TTC7B: variants seen among roughly 807,000 people sequenced by gnomAD.
TTC7B encodes tetratricopeptide repeat protein 7B.
Under a neutral mutation model 106.8 loss-of-function variants are expected in TTC7B, and 28 were observed. The ratio of observed to expected loss-of-function variants is 0.26; its 90% CI spans 0.19 to 0.36. The LOEUF is 0.36. Ranked by LOEUF, TTC7B falls within the 10% of genes least tolerant of loss-of-function variation. The probability of loss-of-function intolerance (pLI) is 1.00; values close to 1 mark genes in which losing one functional copy is unlikely to be tolerated. For synonymous variants in TTC7B, 405 were observed against 430.6 expected, an observed-to-expected ratio of 0.94 and a Z score of 0.74; for missense variants, 862 against 1,076.4, an observed-to-expected ratio of 0.80 and a Z score of 2.79.
Position 90,593,553 on chromosome 14 carries a change from C to T in TTC7B, c.2040G>A (p.Gln680=), listed in dbSNP as rs1193084713. 2 of 1,612,678 alleles carry T rather than the reference C, an allele frequency of 1.2e-6. No individual in the cohort carries two copies. The highest frequency in any genetic ancestry group is 2.2e-5 in the South Asian group (2 of 90,830). ...GCGGGCCCTGCTTAGGGGCACTGCT[C>T]TGCAGAGACGAAGCCACTTCCGACA... ...QALSEVASSL[Q]SSAPKQGPLH... The change falls in exon 18 of 20, where the codon CAG becomes CAA. Residue 680 remains glutamine (Q), a synonymous_variant. Transcript: ENST00000328459.
chr14:90,549,640 T>G (rs1289009551), intron 19 of TTC7B, among the ~76,000 whole-genome samples: 1 of 152,130 alleles, frequency 6.6e-6, no homozygotes, highest in African/African-American at 2.4e-5. Context: ...CGTTGCTCTC[T>G]GGGACAGTGG....
At chr14:90,596,403 C>T (rs1892204227) in intron 17 of TTC7B, among the ~76,000 whole-genome samples, 1 of 152,190 alleles carries the variant, frequency 6.6e-6, no homozygotes, top group African/African-American at 2.4e-5. Flanking sequence ...ATATATTTTA[C>T]TATGAATAAG....
At position 90,532,592 on chromosome 14, in the gene TTC7B, G is replaced by C. The variant is rs1377796223; in HGVS notation, c.*8776C>G. 1 of 152,260 alleles carries C rather than the reference G, an allele frequency of 6.6e-6. No homozygotes were observed. The highest frequency in any genetic ancestry group is 6.5e-5 in the Admixed American group (1 of 15,282). 9.4% of individuals were successfully genotyped at this position (152,260 alleles called of 1,614,324 possible). ...GGTGTCCCCGACCAGCCAATCTAAA[G>C]TAACCCTCCCCCTGTCACTTCAAAT... On this transcript the variant is annotated 3_prime_UTR_variant, in exon 20 of 20. Transcript: ENST00000328459.
chr14:90,664,621 C>T (rs1427496214), intron 9 of TTC7B, among the ~76,000 whole-genome samples: 5 of 152,178 alleles, frequency 3.3e-5, no homozygotes, highest in South Asian at 2.1e-4. Flanking sequence ...TTGATGAAAA[C>T]GGACTTTTCA....
In TTC7B at chr14:90,681,994, C is replaced by T. The variant is rs114811384; in HGVS notation, c.951-1459G>A. 2.6e-3 allele frequency among the ~76,000 whole-genome samples: 397 copies of T among 152,266 alleles called. 2 individuals carry two copies. Among genetic ancestry groups the T allele is most frequent in the African/African-American group, 9.1e-3 (378 of 41,546 alleles). On this transcript the variant is annotated intron_variant, in intron 7 of 19. Coordinates refer to ENST00000328459, the MANE Select transcript of TTC7B (RefSeq NM_001010854.2). ...TGGGACCTTGCAAATAAAGCAGTAA[C>T]ATGAACCATTGTGTGTATGTGTGCA...
chr14:90,654,757 G>A (rs1389705003), intron 12 of TTC7B, among the ~76,000 whole-genome samples: 2 of 152,150 alleles, frequency 1.3e-5, no homozygotes, highest in East Asian at 1.9e-4. Flanking sequence ...CCAGCATAAT[G>A]TACCTAAAAA....
At chr14:90,616,399 A>G (rs1231297318) in intron 16 of TTC7B, among the ~76,000 whole-genome samples, 1 of 152,236 alleles carries the variant, frequency 6.6e-6, no homozygotes, top group Non-Finnish European at 1.5e-5. Flanking sequence ...ACATATCCAC[A>G]AAAGGGAAGA....
At chr14:90,684,395 A>G (rs566276827) in intron 7 of TTC7B, among the ~76,000 whole-genome samples, 5 of 152,272 alleles carry the variant, frequency 3.3e-5, no homozygotes, top group South Asian at 2.1e-4. Context: ...ATTAAGAAAC[A>G]TGTAGATGCA....
chr14:90,699,141 G>T (rs1437394485), intron 5 of TTC7B: 24 of 455,382 alleles, frequency 5.3e-5, no homozygotes. Flanking sequence ...ACATTCTAAC[G>T]TACAAGCTTA....
At chr14:90,779,995 G>A (rs1342130714) in intron 3 of TTC7B, among the ~76,000 whole-genome samples, 1 of 152,176 alleles carries the variant, frequency 6.6e-6, no homozygotes, top group Non-Finnish European at 1.5e-5. Context: ...CAGCCATGTG[G>A]CCAACTGACC....
chr14:90,644,608 G>T (rs1566815246), intron 14 of TTC7B: 1 of 159,704 alleles, frequency 6.3e-6, no homozygotes, highest in Non-Finnish European at 1.4e-5. Context: ...AAGTGTCAGA[G>T]ATTTTTAGTG....
intron 17 of TTC7B, among the ~76,000 whole-genome samples, chr14:90,597,448 A>G (rs1357711773): frequency 6.6e-6 from 1 of 152,166 alleles, no homozygotes; most frequent in Admixed American, 6.5e-5. Flanking sequence ...ACCTGAGGTC[A>G]GGAGTTTGAG....
chr14:90,622,116 ATTTTT>A (rs34021447), intron 15 of TTC7B, among the ~76,000 whole-genome samples: 2 of 135,014 alleles, frequency 1.5e-5, no homozygotes, highest in Non-Finnish European at 1.6e-5. Context: ...CATGATTCTA[ATTTTT>A]TTTTTTTTTT....
At chr14:90,659,638 G>A (rs1022390331) in intron 9 of TTC7B, among the ~76,000 whole-genome samples, 6 of 152,110 alleles carry the variant, frequency 3.9e-5, no homozygotes, top group Non-Finnish European at 7.4e-5. Context: ...TGGGGCCAGC[G>A]GCAACGGAGG....
chr14:90,602,793 C>T (rs1892481715), intron 17 of TTC7B, among the ~76,000 whole-genome samples: 1 of 151,932 alleles, frequency 6.6e-6, no homozygotes, highest in Non-Finnish European at 1.5e-5. Context: ...ATGATGTCTG[C>T]TTATTTTTAG....
At position 90,780,585 on chromosome 14, in the gene TTC7B, T is replaced by C. The variant is rs551778631; in HGVS notation, c.445+153A>G. Among the ~76,000 whole-genome samples the C allele has an allele frequency of 7.2e-5, 11 of 152,364 alleles. No individual in the cohort carries two copies. In the East Asian group the frequency reaches 2.1e-3, roughly 29 times the overall value. ...GGACAAATCCCTGCTGGGCTTAGCATGACCCAGCATGTGCTGCAGGGCGGC... is the reference window on the plus strand; with the variant it reads ...GGACAAATCCCTGCTGGGCTTAGCACGACCCAGCATGTGCTGCAGGGCGGC... On this transcript the variant is annotated intron_variant, in intron 3 of 19. Transcript: ENST00000328459.
intron 3 of TTC7B, among the ~76,000 whole-genome samples, chr14:90,761,781 ACCAACTC>A (rs1890510729): frequency 6.6e-6 from 1 of 152,002 alleles, no homozygotes; most frequent in African/African-American, 2.4e-5. Context: ...ACCTTCCCAT[ACCAACTC>A]CCAACACACA....
intron 5 of TTC7B, among the ~76,000 whole-genome samples, chr14:90,726,881 T>C (rs1229986905): frequency 6.6e-6 from 1 of 152,092 alleles, no homozygotes; most frequent in African/African-American, 2.4e-5. Context: ...GAAATAGATG[T>C]GAAATGGATC....
At chr14:90,648,678 C>T (rs1885580162) in intron 13 of TTC7B, 5 of 152,232 alleles carry the variant, frequency 3.3e-5, no homozygotes, top group Admixed American at 3.3e-4. Flanking sequence ...CTAAGGTCCA[C>T]TCAGTATATA....
Sources: gnomAD v4.1 joint callset for allele counts (sites outside exome capture counted in the v4.1 genomes callset) on GRCh38, gnomAD v4.1.1 for gene constraint, MANE v1.5 for transcripts, NCBI Gene and HGNC (gene_info 2026-07-23, HGNC 2026-07-21) for gene names.